The following ITGAV variants were observed in gnomAD, a reference collection of about 807,000 sequenced individuals.
The protein encoded by ITGAV is integrin alpha-V.
ITGAV carries 76 observed loss-of-function variants against 143.8 expected under a neutral mutation model. That is an observed-to-expected ratio of 0.53 (90% confidence interval 0.44 to 0.64). The LOEUF (loss-of-function observed/expected upper bound fraction) is 0.64, where lower values mean the gene tolerates loss of function less well. Ranked by LOEUF, ITGAV falls within the 30% of genes least tolerant of loss-of-function variation. ITGAV has a pLI of 0.00. For missense variants in ITGAV, 1,193 were observed against 1,274.7 expected (o/e 0.94, Z 0.98); for synonymous variants, 453 against 446.7 (o/e 1.01, Z -0.18).
intron 2 of ITGAV, among the ~76,000 whole-genome samples, chr2:186,602,762 A>T (rs1686947530): frequency 6.6e-6 from 1 of 151,986 alleles, no homozygotes; most frequent in Admixed American, 6.6e-5. Flanking sequence ...CTGTAATCCC[A>T]GCTACTTAGG....
intron 2 of ITGAV, among the ~76,000 whole-genome samples, chr2:186,618,419 T>A (rs943172714): frequency 3.3e-5 from 5 of 152,210 alleles, no homozygotes; most frequent in African/African-American, 1.2e-4. Flanking sequence ...TTTGTACTGA[T>A]TTTGCATGAA....
chr2:186,635,651 T>C (rs975074463), intron 6 of ITGAV, among the ~76,000 whole-genome samples: 2 of 152,224 alleles, frequency 1.3e-5, no homozygotes, highest in Non-Finnish European at 2.9e-5. Flanking sequence ...GGTGAACTCA[T>C]CCATTCAGGT....
intron 28 of ITGAV, 43 bp from the exon 29 acceptor site, chr2:186,676,770 T>A: frequency 6.3e-7 from 1 of 1,591,854 alleles, no homozygotes; most frequent in Non-Finnish European, 8.6e-7. Flanking sequence ...GTTGATTAAG[T>A]CAATGGACTG....
chr2:186,600,008 C>T (rs1686853559), intron 1 of ITGAV, among the ~76,000 whole-genome samples: 1 of 152,156 alleles, frequency 6.6e-6, no homozygotes, highest in Admixed American at 6.5e-5. Flanking sequence ...AATGCTTTCC[C>T]CATAGGGCAT....
chr2:186,623,204 A>G (rs1327987060), intron 3 of ITGAV, among the ~76,000 whole-genome samples: 2 of 152,026 alleles, frequency 1.3e-5, no homozygotes, highest in Non-Finnish European at 2.9e-5. Flanking sequence ...TCCCTTTCCT[A>G]TGTCATCATT....
At chr2:186,598,563 G>T (rs190269891) in intron 1 of ITGAV, among the ~76,000 whole-genome samples, 2 of 150,030 alleles carry the variant, frequency 1.3e-5, no homozygotes, top group African/African-American at 4.9e-5. Flanking sequence ...TCAGCCTCCC[G>T]AGTAGCTGGG....
rs1688929690 is a variant in ITGAV at position 186,667,376 on chromosome 2, T to C, written c.2327+146T>C. ...ATTAGCTTCTGTAGAAATAAAATCC[T>C]AGGTATGTTCCAAACCCCCAATACT... On this transcript the variant is annotated intron_variant, in intron 23 of 29. Coordinates refer to ENST00000261023, the MANE Select transcript of ITGAV (RefSeq NM_002210.5). 4 of 622,676 alleles carry C rather than the reference T, an allele frequency of 6.4e-6. No individual in the cohort carries two copies. In the African/African-American group the frequency reaches 7.4e-5, roughly 12 times the overall value. The allele number at this position is 622,676 out of a possible 1,614,324, so 38.6% of individuals were successfully genotyped here.
chr2:186,643,349 A>G (rs1688160857), intron 12 of ITGAV, among the ~76,000 whole-genome samples: 1 of 152,232 alleles, frequency 6.6e-6, no homozygotes, highest in Admixed American at 6.5e-5. Flanking sequence ...ATAGAGGATG[A>G]TTATGGTCTC....
intron 2 of ITGAV, among the ~76,000 whole-genome samples, chr2:186,611,524 T>C (rs1197149650): frequency 1.3e-5 from 2 of 152,102 alleles, no homozygotes; most frequent in Admixed American, 6.5e-5. Context: ...ACAATTGATA[T>C]TGGTTATACT....
chr2:186,622,287 A>G, intron 2 of ITGAV, 52 bp from the exon 3 acceptor site: 3 of 1,209,924 alleles, frequency 2.5e-6, no homozygotes, highest in East Asian at 2.3e-5. Flanking sequence ...ATAAACTGTT[A>G]TATTAAGAAT....
rs1273458663 is a variant in ITGAV, at chr2:186,590,135, G to A, written c.-204G>A. Reference sequence around the variant, plus strand: ...CCGTCTGCGCTGCTGTCCCCGCCCCGCGCGCTCTGCGCCCCTCGTCCCTGG... The same window carrying A: ...CCGTCTGCGCTGCTGTCCCCGCCCCACGCGCTCTGCGCCCCTCGTCCCTGG... On this transcript the variant is annotated 5_prime_UTR_variant, in exon 1 of 30. Coordinates refer to ENST00000261023, the MANE Select transcript of ITGAV (RefSeq NM_002210.5). 6 of 432,764 alleles carry A rather than the reference G, an allele frequency of 1.4e-5. No individual in the cohort carries two copies. The East Asian group carries it at 2.3e-4, about 17-fold the overall frequency. 26.8% of individuals were successfully genotyped at this position (432,764 alleles called of 1,614,324 possible).
intron 24 of ITGAV, 106 bp downstream of exon 24, chr2:186,667,882 C>G (rs1199233108): frequency 3.8e-6 from 2 of 533,158 alleles, no homozygotes; most frequent in Non-Finnish European, 6.6e-6. Context: ...TATGTAAACT[C>G]TACATTGGTT....
At chr2:186,602,549 C>T (rs1314895164) in intron 2 of ITGAV, among the ~76,000 whole-genome samples, 3 of 152,154 alleles carry the variant, frequency 2.0e-5, no homozygotes, top group Non-Finnish European at 4.4e-5. Context: ...AATCTCTGAT[C>T]ATGAATATAT....
chr2:186,622,553 A>G (rs1422620759), intron 3 of ITGAV, 123 bp downstream of exon 3: 4 of 666,466 alleles, frequency 6.0e-6, no homozygotes, highest in African/African-American at 3.6e-5. Flanking sequence ...GTATAACAAC[A>G]TAAGATAGCT....
chr2:186,594,222 C>T (rs1016518976), intron 1 of ITGAV, among the ~76,000 whole-genome samples: 10 of 152,210 alleles, frequency 6.6e-5, no homozygotes, highest in Non-Finnish European at 1.3e-4. Flanking sequence ...GTTGACTAGC[C>T]TGTCTTAACT....
chr2:186,636,094 C>A lies in ITGAV; in HGVS notation c.644C>A (p.Ser215Ter). 6.2e-7 allele frequency: 1 copy of A among 1,612,084 alleles called. No homozygotes were observed. The highest frequency in any genetic ancestry group is 8.5e-7 in the Non-Finnish European group (1 of 1,179,152). The part of the protein sequence containing the change: ...GSFYWQGQLI[S>*]DQVAEIVSKY... Reference sequence around the variant, plus strand: ...CACCCTTTTTTAGGTCAGCTTATTTCGGATCAAGTGGCAGAAATCGTATCT... The same window carrying A: ...CACCCTTTTTTAGGTCAGCTTATTTAGGATCAAGTGGCAGAAATCGTATCT... The change falls in exon 7 of 30, where the codon TCG (serine) becomes TAG (stop). Residue 215 changes from serine (S) to a stop codon, truncating the protein, a stop_gained. Transcript: ENST00000261023. LOFTEE classifies it high-confidence loss of function.
At position 186,659,046 on chromosome 2, in the gene ITGAV, TG is replaced by T. The variant is rs1197414323; in HGVS notation, c.1729del (p.Glu577AsnfsTer64). The T allele has an allele frequency of 6.2e-7, 1 of 1,608,534 alleles. No individual in the cohort carries two copies. The highest frequency in any genetic ancestry group is 1.7e-5 in the Admixed American group (1 of 59,268). ...AGCGTTTCCATTTCTAGGATGAATC[TG>T]AATTTAGAGACAAACTCACTCCAAT... Reference protein sequence around the residue: ...ELIAYLRDESEFRDKLTPITI... With the variant: ...ELIAYLRDESXFRDKLTPITI... On this transcript the variant is annotated frameshift_variant, in exon 18 of 30. Coordinates refer to ENST00000261023, the MANE Select transcript of ITGAV (RefSeq NM_002210.5). LOFTEE classifies it high-confidence loss of function.
chr2:186,622,945 G>A (rs894140285), intron 3 of ITGAV, among the ~76,000 whole-genome samples: 1 of 152,068 alleles, frequency 6.6e-6, no homozygotes, highest in African/African-American at 2.4e-5. Flanking sequence ...GTAGTTTTTA[G>A]TAGAGACAGG....
Position 186,673,147 on chromosome 2 carries a change from C to G in ITGAV, c.2707-2457C>G, listed in dbSNP as rs1689112603. Among the ~76,000 whole-genome samples the G allele has an allele frequency of 2.6e-5, 4 of 152,288 alleles. No homozygotes were observed. The South Asian group carries it at 8.3e-4, about 32-fold the overall frequency. On this transcript the variant is annotated intron_variant, in intron 26 of 29. Transcript: ENST00000261023. Reference sequence around the variant, plus strand: ...GATTCTTTTGTGTGTGGCTATCCACCTGTCTGAGCAACATTTGTTGAAGAA... The same window carrying G: ...GATTCTTTTGTGTGTGGCTATCCACGTGTCTGAGCAACATTTGTTGAAGAA...
Sources: gnomAD v4.1 joint callset for allele counts (sites outside exome capture counted in the v4.1 genomes callset) on GRCh38, gnomAD v4.1.1 for gene constraint, MANE v1.5 for transcripts, NCBI Gene and HGNC (gene_info 2026-07-23, HGNC 2026-07-21) for gene names.